Variants in LRRC8A observed in about 807,000 individuals in gnomAD.
LRRC8A encodes leucine rich repeat containing 8 VRAC subunit A.
A neutral mutation model predicts 52.5 loss-of-function variants in LRRC8A; 24 were observed. The ratio of observed to expected loss-of-function variants is 0.46; its 90% CI spans 0.33 to 0.64. LRRC8A has a LOEUF of 0.64. LRRC8A is among the 30% of genes least tolerant of loss of function. The pLI, the probability that LRRC8A is intolerant of heterozygous loss-of-function variation, is 0.02. For synonymous variants in LRRC8A, 492 were observed against 494.2 expected, an observed-to-expected ratio of 1.00 and a Z score of 0.06; for missense variants, 677 against 1,094.7, an observed-to-expected ratio of 0.62 and a Z score of 5.38.
intron 1 of LRRC8A, 164 bp downstream of exon 1, chr9:128,882,414 C>T (rs1220454019): frequency 6.7e-6 from 2 of 298,100 alleles, no homozygotes; most frequent in East Asian, 1.0e-4. Context: ...TACCTCTGGG[C>T]TCCCCAGTGC....
intron 3 of LRRC8A, among the ~76,000 whole-genome samples, chr9:128,915,145 C>T (rs1840751079): frequency 1.3e-5 from 2 of 152,196 alleles, no homozygotes; most frequent in African/African-American, 4.8e-5. Flanking sequence ...CATTAAGCTG[C>T]ATACGGGTGT....
intron 3 of LRRC8A, among the ~76,000 whole-genome samples, chr9:128,912,327 G>A (rs1043853319): frequency 2.6e-5 from 4 of 152,304 alleles, no homozygotes; most frequent in South Asian, 2.1e-4. Flanking sequence ...AGCACAGTGC[G>A]TAGGCGCTCT....
chr9:128,892,948 C>T lies in LRRC8A; in HGVS notation c.-9+6827C>T, dbSNP rs761694730. ...CTCTGTGCCCTGTTTACCCGCAGCC[C>T]GACTGCCTGCCGCCCAGGTGTGGGA... is the stretch of plus-strand genomic sequence containing the variant. On this transcript the variant is annotated intron_variant, in intron 2 of 3. Coordinates refer to ENST00000372600, the MANE Select transcript of LRRC8A (RefSeq NM_019594.4). This position sits in a 1 kb window ranked among gnomAD's most constrained non-coding sequence, Gnocchi z 5.2. 2.6e-5 allele frequency among the ~76,000 whole-genome samples: 4 copies of T among 152,158 alleles called. No homozygotes were observed. Among genetic ancestry groups the T allele is most frequent in the African/African-American group, 4.8e-5 (2 of 41,436 alleles).
rs138398405 is a variant in LRRC8A at position 128,898,402 on chromosome 9, G to A, written c.-8-8755G>A. Among the ~76,000 whole-genome samples the A allele has an allele frequency of 1.4e-3, 215 of 152,204 alleles. 1 individual carries two copies. Among genetic ancestry groups the A allele is most frequent in the Non-Finnish European group, 1.7e-3 (117 of 68,020 alleles). ...GGTGTGCTTATTGTCCACCTACTGC[G>A]TGCCAGGCCCCGCCTGTCTCTTTAC... On this transcript the variant is annotated intron_variant, in intron 2 of 3. Coordinates refer to ENST00000372600, the MANE Select transcript of LRRC8A (RefSeq NM_019594.4).
chr9:128,908,119 A>C lies in LRRC8A; in HGVS notation c.955A>C (p.Lys319Gln). Residue 319 changes from lysine to glutamine, a missense_variant, in exon 3 of 4, where the codon AAG becomes CAG. Coordinates refer to ENST00000372600, the MANE Select transcript of LRRC8A (RefSeq NM_019594.4). The stretch of plus-strand genomic sequence containing the variant: ...TGCCCACCCCCTGGCCACACTCTTC[A>C]AGATCCTGGCGTCCTTCTACATCAG... ...RCAHPLATLF[K>Q]ILASFYISLV... 1 of 1,613,950 alleles carries C rather than the reference A, an allele frequency of 6.2e-7. No individual in the cohort carries two copies.
chr9:128,891,898 C>T (rs977387298), intron 2 of LRRC8A, among the ~76,000 whole-genome samples: 5 of 152,134 alleles, frequency 3.3e-5, no homozygotes, highest in African/African-American at 1.2e-4. Context: ...AGCTGTGTGG[C>T]CTTGGGCAGG....
chr9:128,893,865 ATGAGTT>A (rs778649828), intron 2 of LRRC8A, among the ~76,000 whole-genome samples: 1 of 151,950 alleles, frequency 6.6e-6, no homozygotes, highest in Non-Finnish European at 1.5e-5. Flanking sequence ...GTACACAGTA[ATGAGTT>A]TGTTATTGAT....
chr9:128,884,011 A>G (rs1215707979), intron 1 of LRRC8A, among the ~76,000 whole-genome samples: 1 of 151,688 alleles, frequency 6.6e-6, no homozygotes, highest in Admixed American at 6.6e-5. Context: ...GGGGCACAGG[A>G]AATGTTCATG....
At chr9:128,913,844 A>T (rs1160140012) in intron 3 of LRRC8A, among the ~76,000 whole-genome samples, 1 of 152,188 alleles carries the variant, frequency 6.6e-6, no homozygotes, top group African/African-American at 2.4e-5. Flanking sequence ...CCCCAAATGC[A>T]TTCCTGATCC....
At chr9:128,890,016 T>C (rs1220753959) in intron 2 of LRRC8A, among the ~76,000 whole-genome samples, 2 of 152,068 alleles carry the variant, frequency 1.3e-5, no homozygotes, top group African/African-American at 4.8e-5. Context: ...TTGGTCAGGC[T>C]GGTCTCGAAC....
chr9:128,904,733 A>G lies in LRRC8A; in HGVS notation c.-8-2424A>G, dbSNP rs111458230. The stretch of plus-strand genomic sequence containing the variant: ...GCATGGGCCAGGTATGGTGGTTCAC[A>G]CCTGTAATCCCAGTACTTTGGGAGG... On this transcript the variant is annotated intron_variant, in intron 2 of 3. Coordinates refer to ENST00000372600, the MANE Select transcript of LRRC8A (RefSeq NM_019594.4). Among the ~76,000 whole-genome samples, 1,403 of 151,974 alleles carry G rather than the reference A, an allele frequency of 9.2e-3. 22 individuals carry two copies. The highest frequency in any genetic ancestry group is 0.029 in the African/African-American group (1,214 of 41,440).
chr9:128,914,960 G>A (rs898887125), intron 3 of LRRC8A, among the ~76,000 whole-genome samples: 21 of 152,202 alleles, frequency 1.4e-4, no homozygotes, highest in African/African-American at 4.8e-4. Context: ...ATGGGCTGTT[G>A]AACCGGGTTC....
intron 2 of LRRC8A, among the ~76,000 whole-genome samples, chr9:128,886,480 A>G (rs543000124): frequency 6.6e-6 from 1 of 152,298 alleles, no homozygotes; most frequent in East Asian, 1.9e-4. Context: ...CTTCGGTCAC[A>G]GTGGTTTGAT....
At chr9:128,883,489 C>G (rs773787311) in intron 1 of LRRC8A, among the ~76,000 whole-genome samples, 1 of 152,194 alleles carries the variant, frequency 6.6e-6, no homozygotes, top group African/African-American at 2.4e-5. Context: ...GGTGTTGCTT[C>G]CATGAAGGTC....
At chr9:128,905,853 G>A (rs1840225668) in intron 2 of LRRC8A, among the ~76,000 whole-genome samples, 1 of 151,842 alleles carries the variant, frequency 6.6e-6, no homozygotes, top group Non-Finnish European at 1.5e-5. Flanking sequence ...AAAAAAAAAA[G>A]AAAAATCAGA....
rs1176887675 is a variant in LRRC8A, at chr9:128,917,720, T to C, written c.*1349T>C. Reference sequence around the variant, plus strand: ...TTGGTTCCAAGCCGGTTCCCGTCCCTGGCGCCTGGAGTGCACACAGCCCAG... The same window carrying C: ...TTGGTTCCAAGCCGGTTCCCGTCCCCGGCGCCTGGAGTGCACACAGCCCAG... On this transcript the variant is annotated 3_prime_UTR_variant, in exon 4 of 4. Transcript: ENST00000372600. 2 of 152,718 alleles carry C rather than the reference T, an allele frequency of 1.3e-5. No homozygotes were observed. Among genetic ancestry groups the C allele is most frequent in the Non-Finnish European group, 2.9e-5 (2 of 68,090 alleles). 9.5% of individuals were successfully genotyped at this position (152,718 alleles called of 1,614,324 possible). A position where few individuals can be genotyped will look rare whatever the true frequency, so the allele number is the denominator to read the frequency against.
chr9:128,905,863 A>G (rs1564525846), intron 2 of LRRC8A, among the ~76,000 whole-genome samples: 1 of 151,950 alleles, frequency 6.6e-6, no homozygotes, highest in Non-Finnish European at 1.5e-5. Context: ...GAAAAATCAG[A>G]TTTCCAGCTT....
Position 128,907,396 on chromosome 9 carries a change from G to A in LRRC8A, c.232G>A (p.Glu78Lys). 2.5e-6 allele frequency: 4 copies of A among 1,613,292 alleles called. No homozygotes were observed. The highest frequency in any genetic ancestry group is 3.4e-6 in the Non-Finnish European group (4 of 1,179,990). The change falls in exon 3 of 4, where the codon GAG becomes AAG. Residue 78 changes from glutamate (E) to lysine (K), a missense_variant. Glu to Lys is a moderately conservative substitution (Grantham distance 56). Transcript: ENST00000372600. The surrounding 1 kb of genome is among the most constrained non-coding windows in gnomAD (Gnocchi z 9.3). ...SFRGWAAPGPEPTYPNSTILP... is the reference protein window; with the variant it reads ...SFRGWAAPGPKPTYPNSTILP... ...CCGGGGCTGGGCAGCCCCTGGCCCG[G>A]AGCCCACCTACCCCAACTCCACCAT...
At position 128,911,235 on chromosome 9, in the gene LRRC8A, T is replaced by G. The variant is rs1840513808; in HGVS notation, c.2157+1914T>G. Reference sequence around the variant, plus strand: ...CCAGATGCCTGCTGGCTTGGAAGCCTTCCTCCCCTCTTCCCCAGGGCTCCC... The same window carrying G: ...CCAGATGCCTGCTGGCTTGGAAGCCGTCCTCCCCTCTTCCCCAGGGCTCCC... On this transcript the variant is annotated intron_variant, in intron 3 of 3. Transcript: ENST00000372600. This position sits in a 1 kb window ranked among gnomAD's most constrained non-coding sequence, Gnocchi z 4.9. 6.6e-6 allele frequency among the ~76,000 whole-genome samples: 1 copy of G among 151,978 alleles called. No homozygotes were observed. Among genetic ancestry groups the G allele is most frequent in the Non-Finnish European group, 1.5e-5 (1 of 67,990 alleles).
Sources: gnomAD v4.1 joint callset for allele counts (sites outside exome capture counted in the v4.1 genomes callset) on GRCh38, gnomAD v4.1.1 for gene constraint, Gnocchi (gnomAD v3.1) non-coding constraint, MANE v1.5 for transcripts, NCBI Gene and HGNC (gene_info 2026-07-23, HGNC 2026-07-21) for gene names.